OPA1: variants seen among roughly 807,000 people sequenced by gnomAD.
OPA1 encodes the protein dynamin-like GTPase OPA1, mitochondrial.
OPA1 carries 59 observed loss-of-function variants against 152.9 expected under a neutral mutation model. That is an observed-to-expected ratio of 0.39 (90% CI 0.31 to 0.48). The LOEUF is 0.48. Ranked by LOEUF, OPA1 falls within the 20% of genes least tolerant of loss-of-function variation. The probability of loss-of-function intolerance (pLI) is 0.96; values close to 1 mark genes in which losing one functional copy is unlikely to be tolerated. For synonymous variants in OPA1, 400 were observed against 389.9 expected, an observed-to-expected ratio of 1.03 and a Z score of -0.31; for missense variants, 1,008 against 1,216.8, an observed-to-expected ratio of 0.83 and a Z score of 2.55.
chr3:193,640,727 C>T (rs1733656752), intron 11 of OPA1, among the ~76,000 whole-genome samples: 1 of 152,082 alleles, frequency 6.6e-6, no homozygotes, highest in South Asian at 2.1e-4. Flanking sequence ...TTAAATGAAT[C>T]ATTATGATTG....
chr3:193,676,955 T>G (rs1438888514), intron 29 of OPA1, among the ~76,000 whole-genome samples: 7 of 120,010 alleles, frequency 5.8e-5, no homozygotes, highest in Non-Finnish European at 1.6e-5. Context: ...CACTCCAGCC[T>G]GGGTGACAGA....
At chr3:193,607,168 C>G (rs1445827772) in intron 1 of OPA1, among the ~76,000 whole-genome samples, 1 of 152,164 alleles carries the variant, frequency 6.6e-6, no homozygotes, top group Non-Finnish European at 1.5e-5. Flanking sequence ...TGGATATTAG[C>G]CCTTTGTCAG....
intron 23 of OPA1, among the ~76,000 whole-genome samples, chr3:193,657,761 T>C (rs1339075496): frequency 6.6e-6 from 1 of 152,210 alleles, no homozygotes; most frequent in Non-Finnish European, 1.5e-5. Context: ...CCCTCTCTAA[T>C]GGCAAAGCCT....
chr3:193,666,446 A>G, intron 28 of OPA1, 57 bp downstream of exon 28: 1 of 1,342,970 alleles, frequency 7.4e-7, no homozygotes, highest in Admixed American at 1.7e-5. Context: ...TAGTGGTAAT[A>G]TCCATATTTA....
intron 18 of OPA1, among the ~76,000 whole-genome samples, chr3:193,646,168 G>A (rs1422774627): frequency 6.6e-6 from 1 of 152,172 alleles, no homozygotes; most frequent in African/African-American, 2.4e-5. Flanking sequence ...TGGGGTTGTC[G>A]AAGAAGTATC....
chr3:193,626,521 AG>A, intron 7 of OPA1, among the ~76,000 whole-genome samples: 1 of 152,308 alleles, frequency 6.6e-6, no homozygotes, highest in Middle Eastern at 3.4e-3. Flanking sequence ...CTAAGTTTGT[AG>A]GCATCTTACC....
At chr3:193,671,246 G>T (rs1373874807) in intron 29 of OPA1, among the ~76,000 whole-genome samples, 1 of 152,132 alleles carries the variant, frequency 6.6e-6, no homozygotes, top group East Asian at 1.9e-4. Flanking sequence ...ATCAGTAATG[G>T]TCAAATCAAA....
intron 30 of OPA1, 36 bp from the exon 31 acceptor site, chr3:193,694,570 C>G (rs1722086847): frequency 1.3e-5 from 2 of 152,182 alleles, no homozygotes; most frequent in South Asian, 4.1e-4. Flanking sequence ...TTTATCTCCC[C>G]TGACCTCAGT....
At chr3:193,629,974 ATATT>A (rs1731819367) in intron 7 of OPA1, among the ~76,000 whole-genome samples, 1 of 152,248 alleles carries the variant, frequency 6.6e-6, no homozygotes, top group Admixed American at 6.5e-5. Context: ...AGTTGGATAA[ATATT>A]TAATGGAACA....
intron 30 of OPA1, among the ~76,000 whole-genome samples, chr3:193,692,386 GAT>G (rs1168576843): frequency 6.6e-6 from 1 of 152,182 alleles, no homozygotes; most frequent in Admixed American, 6.6e-5. Flanking sequence ...ACAGAGCTAA[GAT>G]ATTGTATAAT....
At chr3:193,655,472 T>C (rs1713572449) in intron 22 of OPA1, among the ~76,000 whole-genome samples, 1 of 152,152 alleles carries the variant, frequency 6.6e-6, no homozygotes, top group South Asian at 2.1e-4. Flanking sequence ...AAGATTAAAC[T>C]AGGAATTATT....
At chr3:193,680,875 A>G (rs1720022623) in intron 29 of OPA1, among the ~76,000 whole-genome samples, 1 of 152,190 alleles carries the variant, frequency 6.6e-6, no homozygotes, top group South Asian at 2.1e-4. Flanking sequence ...AAACAAAGCC[A>G]TGTATCATTA....
intron 1 of OPA1, among the ~76,000 whole-genome samples, chr3:193,600,973 A>G (rs570144390): frequency 1.3e-5 from 2 of 152,334 alleles, no homozygotes; most frequent in South Asian, 2.1e-4. Flanking sequence ...GGATTAGTAC[A>G]AAATTCAGTT....
intron 28 of OPA1, 55 bp from the exon 29 acceptor site, chr3:193,667,115 C>G: frequency 2.4e-6 from 2 of 839,134 alleles, no homozygotes; most frequent in Non-Finnish European, 4.2e-6. Context: ...ATTTTATCAT[C>G]TTTATTCATT....
intron 10 of OPA1, among the ~76,000 whole-genome samples, chr3:193,637,488 A>T (rs1733134690): frequency 6.6e-6 from 1 of 151,902 alleles, no homozygotes; most frequent in Non-Finnish European, 1.5e-5. Context: ...ATTAATAAAT[A>T]TAAGTACATT....
At chr3:193,645,823 TA>T (rs1380796974) in intron 18 of OPA1, 23 bp downstream of exon 18, 22 of 1,553,226 alleles carry the variant, frequency 1.4e-5, no homozygotes, top group East Asian at 2.2e-5. Flanking sequence ...TTAAAACATT[TA>T]AACATTTTAC....
At chr3:193,595,962 T>C (rs1725420563) in intron 1 of OPA1, among the ~76,000 whole-genome samples, 1 of 152,124 alleles carries the variant, frequency 6.6e-6, no homozygotes, top group African/African-American at 2.4e-5. Context: ...TTTTTTATTT[T>C]TAAATTATAT....
intron 1 of OPA1, among the ~76,000 whole-genome samples, chr3:193,607,448 G>A (rs1381983233): frequency 3.3e-5 from 5 of 152,188 alleles, no homozygotes; most frequent in African/African-American, 7.2e-5. Context: ...TGTATAAGGT[G>A]TAAGGAAGGG....
chr3:193,613,875 G>A, intron 1 of OPA1: 7 of 515,590 alleles, frequency 1.4e-5, no homozygotes, highest in Non-Finnish European at 2.3e-5. Context: ...ACCACACCCT[G>A]CCTCCTTCTT....
Sources: allele counts gnomAD v4.1 joint callset (sites outside exome capture counted in the v4.1 genomes callset), GRCh38; gene constraint gnomAD v4.1.1; transcripts MANE v1.5; gene names NCBI Gene and HGNC (gene_info 2026-07-23, HGNC 2026-07-21).